Variants in CEP83 observed in about 807,000 individuals in gnomAD.
CEP83 encodes the protein centrosomal protein 83.
In CEP83, 70 loss-of-function variants were observed where a neutral mutation model predicts 101.9. That is an observed-to-expected ratio of 0.69 (90% CI 0.57 to 0.84). The LOEUF is 0.84. Ranked by LOEUF, CEP83 falls within the 40% of genes least tolerant of loss-of-function variation. The pLI, the probability that CEP83 is intolerant of heterozygous loss-of-function variation, is 0.00. For missense variants in CEP83, 715 were observed against 787.2 expected, an observed-to-expected ratio of 0.91 and a Z score of 1.10; for synonymous variants, 264 against 267.9, an observed-to-expected ratio of 0.99 and a Z score of 0.14.
chr12:94,434,431 A>G (rs916066481), intron 2 of CEP83, among the ~76,000 whole-genome samples: 6 of 152,368 alleles, frequency 3.9e-5, no homozygotes, highest in African/African-American at 7.2e-5. Flanking sequence ...AAATTATCTT[A>G]GAAAATATTT....
chr12:94,281,399 G>T, the CEP83 span, among the ~76,000 whole-genome samples: 1 of 152,162 alleles, frequency 6.6e-6, no homozygotes, highest in African/African-American at 2.4e-5. Context: ...ATACATAAGG[G>T]GTGTCAGCCG....
At chr12:94,430,891 T>C (rs116681364) in intron 2 of CEP83, among the ~76,000 whole-genome samples, 3,558 of 152,064 alleles carry the variant, frequency 0.023, 145 homozygotes, top group African/African-American at 0.082. Flanking sequence ...TAACAACACA[T>C]AGACTGAAAG....
chr12:94,363,740 T>C (rs150967062), intron 11 of CEP83, among the ~76,000 whole-genome samples: 306 of 152,010 alleles, frequency 2.0e-3, no homozygotes, highest in African/African-American at 6.6e-3. Flanking sequence ...CCTGAGGTCA[T>C]GAGTTCGAGA....
intron 2 of CEP83, among the ~76,000 whole-genome samples, chr12:94,413,896 T>C (rs912803714): frequency 2.0e-5 from 3 of 151,348 alleles, no homozygotes; most frequent in African/African-American, 7.3e-5. Context: ...TGATAGAATC[T>C]TCCTTAGCCA....
At chr12:94,363,677 G>A (rs973934364) in intron 11 of CEP83, among the ~76,000 whole-genome samples, 12 of 151,996 alleles carry the variant, frequency 7.9e-5, no homozygotes, top group Non-Finnish European at 1.6e-4. Context: ...GGGCAGGTGC[G>A]GTGGCTCACG....
intron 4 of CEP83, among the ~76,000 whole-genome samples, chr12:94,411,186 AATG>A (rs2063855950): frequency 6.6e-6 from 1 of 152,168 alleles, no homozygotes; most frequent in African/African-American, 2.4e-5. Context: ...ATAGCGTGAA[AATG>A]ATCTAAAGAA....
the CEP83 span, among the ~76,000 whole-genome samples, chr12:94,266,598 G>A: frequency 3.3e-5 from 5 of 152,204 alleles, no homozygotes; most frequent in African/African-American, 9.7e-5. Context: ...TGTTGGTAGA[G>A]TGGTTAACAG....
intron 1 of CEP83, 78 bp from the exon 2 acceptor site, chr12:94,435,405 C>T (rs955238264): frequency 6.6e-6 from 1 of 152,176 alleles, no homozygotes; most frequent in African/African-American, 2.4e-5. Flanking sequence ...ACTGCTAGAG[C>T]ATACCCATTT....
At chr12:94,380,515 C>T (rs184514682) in intron 6 of CEP83, among the ~76,000 whole-genome samples, 75 of 152,196 alleles carry the variant, frequency 4.9e-4, no homozygotes, top group African/African-American at 1.7e-3. Flanking sequence ...GGTTTGGTCC[C>T]GGATTACTTT....
At chr12:94,396,016 T>C (rs1200579655) in intron 6 of CEP83, among the ~76,000 whole-genome samples, 1 of 152,140 alleles carries the variant, frequency 6.6e-6, no homozygotes, top group Non-Finnish European at 1.5e-5. Context: ...CAGGATGTAG[T>C]GCTCCTCGTC....
chr12:94,335,646 T>A lies in CEP83; in HGVS notation c.1362A>T (p.Gln454His), dbSNP rs370439332. Residue 454 changes from glutamine to histidine, a missense_variant, in exon 12 of 17, where the codon CAA becomes CAT. Gln to His is a conservative substitution (Grantham distance 24). Transcript: ENST00000397809. ...TCTCTGCATTTTCAATAGTCACAAT[T>A]TGTTGCTGAAGTTTTAACCTAAAAA... ...LQSVRLKLQQQIVTIENAEKE... is the reference protein window; with the variant it reads ...LQSVRLKLQQHIVTIENAEKE... The A allele has an allele frequency of 6.3e-7, 1 of 1,586,078 alleles. No individual in the cohort carries two copies. Among genetic ancestry groups the A allele is most frequent in the Non-Finnish European group, 8.6e-7 (1 of 1,165,664 alleles).
At chr12:94,406,450 TGAGA>T (rs145004289) in intron 4 of CEP83, among the ~76,000 whole-genome samples, 1 of 148,508 alleles carries the variant, frequency 6.7e-6, no homozygotes, top group Non-Finnish European at 1.5e-5. Flanking sequence ...CAGAGAAGCA[TGAGA>T]GAGAGAGAGA....
chr12:94,284,604 G>A, the CEP83 span, among the ~76,000 whole-genome samples: 1 of 152,022 alleles, frequency 6.6e-6, no homozygotes. Context: ...TACGAGATAG[G>A]TACTATTATT....
chr12:94,359,796 T>C (rs1021972777), intron 11 of CEP83, among the ~76,000 whole-genome samples: 3 of 152,122 alleles, frequency 2.0e-5, no homozygotes, highest in African/African-American at 4.8e-5. Flanking sequence ...AGCATTACCC[T>C]GACACCAAAA....
intron 2 of CEP83, among the ~76,000 whole-genome samples, chr12:94,430,925 T>C (rs1312866854): frequency 6.6e-6 from 1 of 152,204 alleles, no homozygotes; most frequent in Non-Finnish European, 1.5e-5. Flanking sequence ...AAAGACATTC[T>C]ATGCAAACAG....
downstream of CEP83, chr12:94,307,363 A>C (rs1969152695): frequency 6.6e-6 from 1 of 152,242 alleles, no homozygotes. Context: ...CATTAGCCAA[A>C]TGCAGTAAAT....
intron 6 of CEP83, 75 bp downstream of exon 6, chr12:94,400,775 T>A (rs1341324324): frequency 2.2e-6 from 2 of 918,658 alleles, no homozygotes; most frequent in Non-Finnish European, 2.9e-6. Flanking sequence ...TAATTTGAAA[T>A]TTTTAAAAAT....
chr12:94,421,422 C>T (rs2064736099), intron 2 of CEP83, among the ~76,000 whole-genome samples: 2 of 152,114 alleles, frequency 1.3e-5, no homozygotes, highest in Non-Finnish European at 1.5e-5. Flanking sequence ...TTGGGCTCAG[C>T]ATCATGTCAA....
intron 6 of CEP83, among the ~76,000 whole-genome samples, chr12:94,396,173 AC>A (rs2062877846): frequency 2.0e-5 from 3 of 152,116 alleles, no homozygotes. Context: ...TATAATAAAA[AC>A]AAAATAGTCC....
Sources: gnomAD v4.1 joint callset for allele counts (sites outside exome capture counted in the v4.1 genomes callset) on GRCh38, gnomAD v4.1.1 for gene constraint, MANE v1.5 for transcripts, NCBI Gene and HGNC (gene_info 2026-07-23, HGNC 2026-07-21) for gene names.